TMEM132C: variants seen among roughly 807,000 people sequenced by gnomAD.
TMEM132C encodes transmembrane protein 132C, also known as protein phosphatase 1, regulatory subunit 152.
Under a neutral mutation model 61.4 loss-of-function variants are expected in TMEM132C, and 29 were observed. That is an observed-to-expected ratio of 0.47 (90% CI 0.35 to 0.64). The LOEUF is 0.64. Ranked by LOEUF, TMEM132C falls within the 30% of genes least tolerant of loss-of-function variation. TMEM132C has a pLI of 0.00. For synonymous variants in TMEM132C, 656 were observed against 633.1 expected, an observed-to-expected ratio of 1.04 and a Z score of -0.54; for missense variants, 1,408 against 1,476.9, an observed-to-expected ratio of 0.95 and a Z score of 0.76.
At chr12:128,677,603 T>A (rs1264060208) in intron 5 of TMEM132C, among the ~76,000 whole-genome samples, 4 of 152,054 alleles carry the variant, frequency 2.6e-5, no homozygotes. Flanking sequence ...GTACATCCCC[T>A]CACCCTAATG....
intron 3 of TMEM132C, among the ~76,000 whole-genome samples, chr12:128,606,741 A>G (rs1387608744): frequency 6.6e-6 from 1 of 152,072 alleles, no homozygotes; most frequent in Admixed American, 6.5e-5. Context: ...TCTGCCACAG[A>G]TGGACACACC....
chr12:128,599,015 T>C (rs1876072188), intron 3 of TMEM132C, among the ~76,000 whole-genome samples: 1 of 151,996 alleles, frequency 6.6e-6, no homozygotes, highest in Non-Finnish European at 1.5e-5. Context: ...CAGGAGGCCC[T>C]GGTGGGCAGT....
intron 1 of TMEM132C, among the ~76,000 whole-genome samples, chr12:128,371,850 A>G (rs778530149): frequency 2.0e-5 from 3 of 152,214 alleles, no homozygotes; most frequent in Admixed American, 6.5e-5. Context: ...AAGCACCAGG[A>G]TTACAGACAT....
intron 1 of TMEM132C, among the ~76,000 whole-genome samples, chr12:128,354,924 C>G (rs1174163593): frequency 2.0e-5 from 3 of 152,144 alleles, no homozygotes; most frequent in African/African-American, 7.2e-5. Flanking sequence ...AACGGATCAC[C>G]CAGGTCAGGG....
intron 3 of TMEM132C, 123 bp from the exon 4 acceptor site, chr12:128,616,029 C>G (rs982773121): frequency 2.4e-6 from 3 of 1,255,940 alleles, no homozygotes; most frequent in East Asian, 5.1e-5. Context: ...GGATCCCCCA[C>G]CAAAACCCTG....
chr12:128,555,795 G>A, intron 3 of TMEM132C, among the ~76,000 whole-genome samples: 1 of 151,414 alleles, frequency 6.6e-6, no homozygotes, highest in African/African-American at 2.4e-5. Context: ...GCTCACTGCA[G>A]CCTCGACCTC....
At chr12:128,661,441 A>C (rs189070334) in intron 4 of TMEM132C, among the ~76,000 whole-genome samples, 371 of 152,280 alleles carry the variant, frequency 2.4e-3, no homozygotes, top group Middle Eastern at 0.014. Context: ...GGACGGCCTC[A>C]CACGCTGCTG....
intron 2 of TMEM132C, among the ~76,000 whole-genome samples, chr12:128,458,239 TATA>T (rs1266071894): frequency 6.8e-6 from 1 of 146,476 alleles, no homozygotes; most frequent in African/African-American, 2.5e-5. Context: ...GAGTGAGTAT[TATA>T]ATATAATATT....
At chr12:128,295,275 A>C (rs980274418) in intron 1 of TMEM132C, among the ~76,000 whole-genome samples, 1 of 152,138 alleles carries the variant, frequency 6.6e-6, no homozygotes, top group Non-Finnish European at 1.5e-5. Context: ...GGCCTCAAGC[A>C]GTCCTCCTGC....
chr12:128,274,168 C>A (rs1053808887), intron 1 of TMEM132C, among the ~76,000 whole-genome samples: 8 of 152,162 alleles, frequency 5.3e-5, no homozygotes, highest in South Asian at 2.1e-4. Context: ...CCCAGAGAGA[C>A]TGATTTCTTG....
At chr12:128,663,408 T>A (rs1050378670) in intron 4 of TMEM132C, among the ~76,000 whole-genome samples, 1 of 152,230 alleles carries the variant, frequency 6.6e-6, no homozygotes, top group African/African-American at 2.4e-5. Context: ...TGTTGTTGCA[T>A]GCATGCATTC....
chr12:128,511,299 C>T (rs951926375), intron 2 of TMEM132C, among the ~76,000 whole-genome samples: 1 of 152,180 alleles, frequency 6.6e-6, no homozygotes, highest in African/African-American at 2.4e-5. Flanking sequence ...TTATTAAGCC[C>T]TGGGTAGCTG....
chr12:128,429,317 C>A (rs1198508285), intron 2 of TMEM132C, among the ~76,000 whole-genome samples: 1 of 152,158 alleles, frequency 6.6e-6, no homozygotes, highest in East Asian at 1.9e-4. Flanking sequence ...TATTCTAATC[C>A]CAAATGCCAG....
intron 1 of TMEM132C, among the ~76,000 whole-genome samples, chr12:128,304,012 C>T (rs1483603478): frequency 6.6e-6 from 1 of 151,996 alleles, no homozygotes; most frequent in African/African-American, 2.4e-5. Context: ...GATGTGTGAT[C>T]CCAGCAGAAC....
intron 2 of TMEM132C, among the ~76,000 whole-genome samples, chr12:128,422,307 T>C (rs933095076): frequency 6.7e-6 from 1 of 149,834 alleles, no homozygotes; most frequent in Non-Finnish European, 1.5e-5. Context: ...AAGTTGCAGG[T>C]TGTAAGTAGG....
chr12:128,497,957 C>T (rs1165071835), intron 2 of TMEM132C, among the ~76,000 whole-genome samples: 2 of 152,100 alleles, frequency 1.3e-5, no homozygotes, highest in Non-Finnish European at 2.9e-5. Flanking sequence ...TCCTATTCGG[C>T]CATCTTGGAA....
At chr12:128,515,165 T>C (rs777857105) in intron 2 of TMEM132C, among the ~76,000 whole-genome samples, 1 of 152,358 alleles carries the variant, frequency 6.6e-6, no homozygotes, top group East Asian at 1.9e-4. Context: ...CGTTCTCCCC[T>C]ACATGCTGGA....
intron 1 of TMEM132C, among the ~76,000 whole-genome samples, chr12:128,320,210 C>A (rs934954771): frequency 5.3e-5 from 8 of 152,036 alleles, no homozygotes; most frequent in Non-Finnish European, 8.8e-5. Flanking sequence ...ACTATTCAAG[C>A]TTCAGTGAAG....
chr12:128,375,969 G>A (rs144125146), intron 1 of TMEM132C, among the ~76,000 whole-genome samples: 12 of 152,314 alleles, frequency 7.9e-5, no homozygotes, highest in African/African-American at 2.9e-4. Flanking sequence ...CATGCGGGAT[G>A]TCGGAGCCCA....
Sources: gnomAD v4.1 joint callset for allele counts (sites outside exome capture counted in the v4.1 genomes callset) on GRCh38, gnomAD v4.1.1 for gene constraint, MANE v1.5 for transcripts, NCBI Gene and HGNC (gene_info 2026-07-23, HGNC 2026-07-21) for gene names.